RGS6: variants seen among roughly 807,000 people sequenced by gnomAD.
The protein encoded by RGS6 is regulator of G-protein signaling 6.
In RGS6, 30 loss-of-function variants were observed where a neutral mutation model predicts 78.5. That is an observed-to-expected ratio of 0.38 (90% CI 0.29 to 0.52). The LOEUF is 0.52. RGS6 is among the 20% of genes least tolerant of loss of function. The pLI is 0.85. For synonymous variants in RGS6, 206 were observed against 206.0 expected, an observed-to-expected ratio of 1.00 and a Z score of 0.00; for missense variants, 495 against 609.7, an observed-to-expected ratio of 0.81 and a Z score of 1.98.
At chr14:72,397,376 T>C (rs1439091192) in intron 3 of RGS6, among the ~76,000 whole-genome samples, 4 of 151,968 alleles carry the variant, frequency 2.6e-5, no homozygotes, top group Non-Finnish European at 5.9e-5. Flanking sequence ...ATAAGAATGC[T>C]TGTGATTTTT....
At chr14:72,607,460 G>GC in the RGS6 span, among the ~76,000 whole-genome samples, 36 of 152,308 alleles carry the variant, frequency 2.4e-4, no homozygotes, top group South Asian at 7.3e-3. Flanking sequence ...TGTGGACTCT[G>GC]CCCCCCATGA....
At chr14:72,268,777 G>A (rs1431954042) in intron 2 of RGS6, among the ~76,000 whole-genome samples, 1 of 152,000 alleles carries the variant, frequency 6.6e-6, no homozygotes, top group Non-Finnish European at 1.5e-5. Context: ...CGCCCCATAA[G>A]ACAATAATGA....
chr14:72,531,341 G>A (rs1192788025), intron 15 of RGS6, among the ~76,000 whole-genome samples: 5 of 150,414 alleles, frequency 3.3e-5, no homozygotes, highest in South Asian at 2.1e-4. Context: ...GCTGAGGCAC[G>A]AGAATCACTT....
chr14:71,868,713 C>T, the RGS6 span, among the ~76,000 whole-genome samples: 72 of 152,308 alleles, frequency 4.7e-4, no homozygotes, highest in African/African-American at 1.7e-3. Context: ...TGGGCTGCTC[C>T]AGTGGACATT....
the RGS6 span, among the ~76,000 whole-genome samples, chr14:72,584,009 G>A: frequency 1.3e-5 from 2 of 152,180 alleles, no homozygotes; most frequent in Non-Finnish European, 2.9e-5. Flanking sequence ...CATCCAAGAG[G>A]TGAAATGAAC....
intron 2 of RGS6, among the ~76,000 whole-genome samples, chr14:72,337,911 A>C (rs2076333340): frequency 6.6e-6 from 1 of 152,228 alleles, no homozygotes; most frequent in African/African-American, 2.4e-5. Context: ...TTAAAATCAG[A>C]ATTAAATCAG....
intron 17 of RGS6, among the ~76,000 whole-genome samples, chr14:72,562,209 T>A (rs1339020174): frequency 6.6e-6 from 1 of 152,262 alleles, no homozygotes; most frequent in African/African-American, 2.4e-5. Flanking sequence ...CAGGACTCCC[T>A]GAACCTTCCC....
chr14:72,177,321 T>A (rs2097119069), intron 2 of RGS6, among the ~76,000 whole-genome samples: 1 of 152,170 alleles, frequency 6.6e-6, no homozygotes, highest in South Asian at 2.1e-4. Context: ...TCTATTCTTC[T>A]GCCCATGACA....
chr14:72,369,349 G>C (rs1306492953), intron 3 of RGS6, among the ~76,000 whole-genome samples: 2 of 152,208 alleles, frequency 1.3e-5, no homozygotes, highest in Non-Finnish European at 2.9e-5. Context: ...AGCACCTCCA[G>C]AGCAAGTATG....
rs138535539 is a variant in RGS6 at position 72,300,500 on chromosome 14, A to G, written c.85-51595A>G. On this transcript the variant is annotated intron_variant, in intron 2 of 17. Coordinates refer to ENST00000553525, the MANE Select transcript of RGS6 (RefSeq NM_001204424.2). ...CTGTCTCAGCCTGTCACACTTTGAT[A>G]AGATATATTTGGGGGAATATCATGA... is the stretch of plus-strand genomic sequence containing the variant. Among the ~76,000 whole-genome samples the G allele has an allele frequency of 2.3e-4, 35 of 152,340 alleles. 1 individual carries two copies. In the East Asian group the frequency reaches 6.7e-3, roughly 29 times the overall value.
At chr14:72,258,554 T>C (rs2057522597) in intron 2 of RGS6, among the ~76,000 whole-genome samples, 1 of 152,236 alleles carries the variant, frequency 6.6e-6, no homozygotes, top group Admixed American at 6.5e-5. Flanking sequence ...TTGAAATCTC[T>C]ACTATGAGAC....
chr14:72,316,310 A>G (rs1169866382), intron 2 of RGS6, among the ~76,000 whole-genome samples: 5 of 152,176 alleles, frequency 3.3e-5, no homozygotes, highest in Non-Finnish European at 5.9e-5. Context: ...ATATGTATAC[A>G]TGTGCCATGT....
chr14:71,979,799 C>T (rs1441536953), intron 2 of RGS6, among the ~76,000 whole-genome samples: 1 of 151,960 alleles, frequency 6.6e-6, no homozygotes, highest in African/African-American at 2.4e-5. Flanking sequence ...GAGCTGAGTT[C>T]AATTCCTGGG....
At chr14:72,254,296 T>G (rs2056565441) in intron 2 of RGS6, among the ~76,000 whole-genome samples, 1 of 152,216 alleles carries the variant, frequency 6.6e-6, no homozygotes, top group Non-Finnish European at 1.5e-5. Flanking sequence ...AAGGGTTAAT[T>G]ATTGGACTCT....
chr14:72,005,469 A>ATCTATCTATC (rs1595960112), intron 2 of RGS6, among the ~76,000 whole-genome samples: 1 of 8,566 alleles, frequency 1.2e-4, no homozygotes, highest in African/African-American at 5.3e-4. Context: ...ATCTATCTAT[A>ATCTATCTATC]TCTCCCTATT....
chr14:71,990,861 C>T (rs2094927821), intron 2 of RGS6: 2 of 455,870 alleles, frequency 4.4e-6, no homozygotes, highest in African/African-American at 2.0e-5. Context: ...TATTTCTTGC[C>T]CTGCCAAAAC....
chr14:72,148,574 A>T (rs1374556485), intron 2 of RGS6, among the ~76,000 whole-genome samples: 1 of 152,216 alleles, frequency 6.6e-6, no homozygotes, highest in Non-Finnish European at 1.5e-5. Context: ...GCAATAATTC[A>T]GGTGGACCCC....
upstream of RGS6, among the ~76,000 whole-genome samples, chr14:71,930,397 C>CAT (rs570182570): frequency 7.2e-5 from 11 of 151,950 alleles, no homozygotes; most frequent in South Asian, 8.3e-4. Context: ...CTATTACATA[C>CAT]ATATATATAT....
chr14:71,984,265 G>A (rs2094585038), intron 2 of RGS6, among the ~76,000 whole-genome samples: 2 of 144,486 alleles, frequency 1.4e-5, no homozygotes, highest in African/African-American at 5.2e-5. Context: ...GTATTCTAAA[G>A]CCTGTGGTTT....
Sources: gnomAD v4.1 joint callset for allele counts (sites outside exome capture counted in the v4.1 genomes callset) on GRCh38, gnomAD v4.1.1 for gene constraint, MANE v1.5 for transcripts, NCBI Gene and HGNC (gene_info 2026-07-23, HGNC 2026-07-21) for gene names.